Variants in ABL2 observed in about 807,000 individuals in gnomAD.
ABL2 encodes the protein tyrosine-protein kinase ABL2.
ABL2 carries 49 observed loss-of-function variants against 107.7 expected under a neutral mutation model. That is an observed-to-expected ratio of 0.45 (90% CI 0.36 to 0.58). The LOEUF is 0.58. Among genes scored for constraint, ABL2 ranks in the 20% least tolerant of loss-of-function variants. The probability of loss-of-function intolerance (pLI) is 0.00; values close to 1 mark genes in which losing one functional copy is unlikely to be tolerated. For synonymous variants in ABL2, 549 were observed against 548.6 expected, an observed-to-expected ratio of 1.00 and a Z score of -0.01; for missense variants, 1,245 against 1,457.0, an observed-to-expected ratio of 0.85 and a Z score of 2.37.
At chr1:179,138,166 T>A (rs574425082) in intron 1 of ABL2, among the ~76,000 whole-genome samples, 1 of 152,196 alleles carries the variant, frequency 6.6e-6, no homozygotes. Flanking sequence ...TGCTGATAAC[T>A]CAGTTACTTT....
At chr1:179,217,109 A>G (rs1662604969) in intron 1 of ABL2, among the ~76,000 whole-genome samples, 2 of 151,754 alleles carry the variant, frequency 1.3e-5, no homozygotes, top group African/African-American at 4.8e-5. Context: ...CAGCCTGGCC[A>G]ACGTGGTGAA....
In ABL2 at chr1:179,105,934, C is replaced by G. The variant is rs1365514497; in HGVS notation, c.*1784G>C. On this transcript the variant is annotated 3_prime_UTR_variant, in exon 12 of 12. Transcript: ENST00000502732. ...TAAAAGAGCTTTCCAGAGAGGCTCT[C>G]CAAGGGATAGCTGCACACTTACTTG... 8.9e-6 allele frequency: 2 copies of G among 223,596 alleles called. No individual in the cohort carries two copies. The highest frequency in any genetic ancestry group is 1.8e-5 in the Non-Finnish European group (2 of 112,114). The allele number at this position is 223,596 out of a possible 1,614,324, so 13.9% of individuals were successfully genotyped here.
intron 1 of ABL2, among the ~76,000 whole-genome samples, chr1:179,164,969 C>T (rs113655078): frequency 1.1e-4 from 16 of 152,050 alleles, no homozygotes; most frequent in African/African-American, 3.9e-4. Context: ...AAGAGATGAA[C>T]AATAAAATAG....
At chr1:179,187,522 T>C (rs1571277627) in intron 1 of ABL2, among the ~76,000 whole-genome samples, 1 of 152,212 alleles carries the variant, frequency 6.6e-6, no homozygotes, top group East Asian at 1.9e-4. Flanking sequence ...AGAAAAAAAA[T>C]TATTGTATGC....
Position 179,099,405 on chromosome 1 carries a change from C to T in ABL2, c.*8313G>A, listed in dbSNP as rs1320268836. On this transcript the variant is annotated 3_prime_UTR_variant, in exon 12 of 12. Transcript: ENST00000502732. ...AAACCTTGTGAGAAGACAGAGAAAG[C>T]AGTCCCTTTCAAGGGCCTCATTTAT... The T allele has an allele frequency of 9.5e-6, 2 of 209,966 alleles. No homozygotes were observed. The highest frequency in any genetic ancestry group is 1.9e-5 in the Non-Finnish European group (2 of 103,518). The allele number at this position is 209,966 out of a possible 1,614,324, so 13.0% of individuals were successfully genotyped here.
chr1:179,226,678 A>C (rs905274667), intron 1 of ABL2, among the ~76,000 whole-genome samples: 1 of 152,124 alleles, frequency 6.6e-6, no homozygotes, highest in African/African-American at 2.4e-5. Flanking sequence ...AGCTCATACT[A>C]TGTGCCCAGC....
In ABL2 at chr1:179,131,228, G is replaced by C. The variant is rs571982872; in HGVS notation, c.391+83C>G. On this transcript the variant is annotated intron_variant, in intron 3 of 11. Transcript: ENST00000502732. Reference sequence around the variant, plus strand: ...CAAAGTGCTGAGATTATAGGTGTGAGCCACTGTGCCTGGCCAGGCCCCTTT... The same window carrying C: ...CAAAGTGCTGAGATTATAGGTGTGACCCACTGTGCCTGGCCAGGCCCCTTT... 5 of 1,454,294 alleles carry C rather than the reference G, an allele frequency of 3.4e-6. No individual in the cohort carries two copies. In the Admixed American group the frequency reaches 8.0e-5, roughly 23 times the overall value. The allele number at this position is 1,454,294 out of a possible 1,614,324, so 90.1% of individuals were successfully genotyped here.
intron 11 of ABL2, among the ~76,000 whole-genome samples, chr1:179,109,906 C>A (rs934134589): frequency 2.8e-5 from 4 of 142,458 alleles, no homozygotes; most frequent in African/African-American, 1.1e-4. Context: ...CCAGCCTGGG[C>A]GACACAGTGA....
intron 1 of ABL2, 147 bp from the exon 2 acceptor site, chr1:179,133,521 A>G (rs1267226682): frequency 1.6e-6 from 2 of 1,284,880 alleles, no homozygotes; most frequent in South Asian, 1.4e-5. Flanking sequence ...TCCCTACTCC[A>G]TACCTCAAAT....
At chr1:179,113,744 C>T (rs1391110540) in intron 9 of ABL2, among the ~76,000 whole-genome samples, 5 of 151,794 alleles carry the variant, frequency 3.3e-5, no homozygotes, top group African/African-American at 9.7e-5. Flanking sequence ...CTGGCTAACA[C>T]GGTGAAACCC....
chr1:179,125,892 T>A (rs1448136254), intron 4 of ABL2, among the ~76,000 whole-genome samples: 1 of 152,252 alleles, frequency 6.6e-6, no homozygotes, highest in East Asian at 1.9e-4. Context: ...CCATTCTAAC[T>A]AACATGGTTG....
chr1:179,199,857 C>A, intron 1 of ABL2, among the ~76,000 whole-genome samples: 1 of 151,154 alleles, frequency 6.6e-6, no homozygotes, highest in Admixed American at 6.6e-5. Flanking sequence ...CTCAGCCTCC[C>A]GAGCAGCTGG....
intron 1 of ABL2, among the ~76,000 whole-genome samples, chr1:179,189,410 AG>A (rs1342496162): frequency 6.6e-6 from 1 of 152,202 alleles, no homozygotes; most frequent in Non-Finnish European, 1.5e-5. Context: ...CTGGGATTAC[AG>A]GCATGAGCCA....
chr1:179,164,719 T>C (rs767768073), intron 1 of ABL2, among the ~76,000 whole-genome samples: 7 of 152,216 alleles, frequency 4.6e-5, no homozygotes, highest in Non-Finnish European at 1.0e-4. Context: ...AGCAGTCAGC[T>C]GTTTCCCTTG....
At chr1:179,206,605 G>A (rs774633396) in intron 1 of ABL2, among the ~76,000 whole-genome samples, 7 of 151,686 alleles carry the variant, frequency 4.6e-5, no homozygotes, top group Non-Finnish European at 8.8e-5. Context: ...AGAATGGGGA[G>A]AATATACACG....
At chr1:179,171,714 G>C (rs766549113) in intron 1 of ABL2, among the ~76,000 whole-genome samples, 1 of 152,086 alleles carries the variant, frequency 6.6e-6, no homozygotes, top group Non-Finnish European at 1.5e-5. Context: ...TGTAGAGATG[G>C]GGTCTCACTC....
Position 179,184,861 on chromosome 1 carries a change from A to G in ABL2, c.157+44380T>C, listed in dbSNP as rs1362717186. 3.3e-5 allele frequency among the ~76,000 whole-genome samples: 5 copies of G among 152,104 alleles called. 1 individual carries two copies. The highest frequency in any genetic ancestry group is 2.0e-4 in the Admixed American group (3 of 15,252). On this transcript the variant is annotated intron_variant, in intron 1 of 11. Transcript: ENST00000502732. The stretch of plus-strand genomic sequence containing the variant: ...TATTTGGGAGGTAAATACCTTGAGC[A>G]GAGTATTATGGTAAAAGAGTCTCTA...
At chr1:179,149,244 A>G (rs1195758958) in intron 1 of ABL2, among the ~76,000 whole-genome samples, 1 of 152,228 alleles carries the variant, frequency 6.6e-6, no homozygotes, top group Admixed American at 6.5e-5. Flanking sequence ...ACCAAAGCCT[A>G]ATCCAGAGCA....
chr1:179,206,634 T>C (rs748238297), intron 1 of ABL2, among the ~76,000 whole-genome samples: 7 of 151,972 alleles, frequency 4.6e-5, no homozygotes, highest in Non-Finnish European at 8.8e-5. Flanking sequence ...TACACATGCA[T>C]AATATATCTC....
Sources: allele counts gnomAD v4.1 joint callset (sites outside exome capture counted in the v4.1 genomes callset), GRCh38; gene constraint gnomAD v4.1.1; transcripts MANE v1.5; gene names NCBI Gene and HGNC (gene_info 2026-07-23, HGNC 2026-07-21).